Variants in TES observed in about 807,000 individuals in gnomAD.
TES encodes testin LIM domain protein, also known as testin.
A neutral mutation model predicts 48.2 loss-of-function variants in TES; 41 were observed. The ratio of observed to expected loss-of-function variants is 0.85; its 90% CI spans 0.66 to 1.10. TES has a LOEUF of 1.10. TES is among the 50% of genes least tolerant of loss of function. The pLI is 0.00. For synonymous variants in TES, 162 were observed against 174.9 expected (o/e 0.93, Z 0.58); for missense variants, 463 against 515.1 (o/e 0.90, Z 0.98).
At chr7:116,222,100 T>A (rs575105131) in intron 1 of TES, among the ~76,000 whole-genome samples, 1 of 152,102 alleles carries the variant, frequency 6.6e-6, no homozygotes, top group South Asian at 2.1e-4. Flanking sequence ...GAATAAGGGA[T>A]GGTGTGAAAA....
chr7:116,251,637 A>T, intron 4 of TES, 123 bp from the exon 5 acceptor site: 1 of 874,156 alleles, frequency 1.1e-6, no homozygotes, highest in South Asian at 1.6e-5. Flanking sequence ...GAGCCGAGAT[A>T]GCACCACTGG....
intron 1 of TES, among the ~76,000 whole-genome samples, chr7:116,214,833 G>C (rs1321715336): frequency 6.6e-6 from 1 of 151,896 alleles, no homozygotes; most frequent in Non-Finnish European, 1.5e-5. Flanking sequence ...ATCCTTCAAG[G>C]ACCAACCCTT....
At position 116,222,281 on chromosome 7, in the gene TES, C is replaced by T. The variant is rs186022410; in HGVS notation, c.27+11547C>T. Reference sequence around the variant, plus strand: ...CAAAAGAGAAAAACGAGAAGACTGTCTTTTTGCACCCCCTTTTCTGTTTTC... The same window carrying T: ...CAAAAGAGAAAAACGAGAAGACTGTTTTTTTGCACCCCCTTTTCTGTTTTC... On this transcript the variant is annotated intron_variant, in intron 1 of 6. Coordinates refer to ENST00000358204, the MANE Select transcript of TES (RefSeq NM_015641.4). Among the ~76,000 whole-genome samples, 7 of 152,232 alleles carry T rather than the reference C, an allele frequency of 4.6e-5. No homozygotes were observed. In the East Asian group the frequency reaches 1.4e-3, roughly 29 times the overall value.
rs377617882 is a variant in TES at position 116,251,662 on chromosome 7, G to A, written c.703-98G>A. On this transcript the variant is annotated intron_variant, in intron 4 of 6. Transcript: ENST00000358204. Reference sequence around the variant, plus strand: ...AGCACCACTGGACTCCAGCCTGGGCGACAGAGTGAGACTCAGTCTCAAAAA... The same window carrying A: ...AGCACCACTGGACTCCAGCCTGGGCAACAGAGTGAGACTCAGTCTCAAAAA... 48 of 1,129,894 alleles carry A rather than the reference G, an allele frequency of 4.2e-5. No individual in the cohort carries two copies. In the African/African-American group the frequency reaches 5.2e-4, roughly 12 times the overall value. The allele number at this position is 1,129,894 out of a possible 1,614,324, so 70.0% of individuals were successfully genotyped here.
At chr7:116,215,449 T>G (rs1196790098) in intron 1 of TES, among the ~76,000 whole-genome samples, 1 of 152,224 alleles carries the variant, frequency 6.6e-6, no homozygotes, top group Non-Finnish European at 1.5e-5. Flanking sequence ...TTCCCTTTAG[T>G]GTAAGTTGCC....
Position 116,238,697 on chromosome 7 carries a change from G to A in TES, c.113+4078G>A, listed in dbSNP as rs545616110. The stretch of plus-strand genomic sequence containing the variant: ...GCTCACTGCAACCTCTGCCTCCTAG[G>A]TTCAAGTGATTCTCCTGCCTGCCTC... On this transcript the variant is annotated intron_variant, in intron 2 of 6. Transcript: ENST00000358204. 3.3e-3 allele frequency among the ~76,000 whole-genome samples: 498 copies of A among 151,910 alleles called. 3 individuals carry two copies. Among genetic ancestry groups the A allele is most frequent in the African/African-American group, 0.011 (474 of 41,422 alleles).
chr7:116,230,150 GTTTGTT>G (rs1288582528), intron 1 of TES, among the ~76,000 whole-genome samples: 26 of 152,310 alleles, frequency 1.7e-4, no homozygotes, highest in Non-Finnish European at 7.4e-5. Flanking sequence ...TGGTGTGTGT[GTTTGTT>G]TTTAATTAGG....
At position 116,252,315 on chromosome 7, in the gene TES, T is replaced by TA; in HGVS notation, c.919-2dup. ...TCCATCTTTATTTTTATCTTCTTCC[T>TA]AGCTGATATTCAGCAATGAGTATAC... is the stretch of plus-strand genomic sequence containing the variant. On this transcript the variant is annotated splice_region_variant and splice_polypyrimidine_tract_variant and intron_variant, in intron 5 of 6. Coordinates refer to ENST00000358204, the MANE Select transcript of TES (RefSeq NM_015641.4). 1 of 1,599,822 alleles carries TA rather than the reference T, an allele frequency of 6.3e-7. No homozygotes were observed. The highest frequency in any genetic ancestry group is 8.6e-7 in the Non-Finnish European group (1 of 1,168,826).
chr7:116,234,184 A>G (rs1033060832), intron 1 of TES, among the ~76,000 whole-genome samples: 3 of 152,110 alleles, frequency 2.0e-5, no homozygotes, highest in Non-Finnish European at 4.4e-5. Flanking sequence ...TTTTTAAGGT[A>G]TAGTTTTCTG....
intron 2 of TES, among the ~76,000 whole-genome samples, chr7:116,245,410 C>G (rs548008308): frequency 5.3e-5 from 8 of 152,252 alleles, no homozygotes; most frequent in African/African-American, 1.9e-4. Context: ...GCCTTTACAT[C>G]AGCTCCCAAC....
At chr7:116,247,118 T>C (rs1183427342) in intron 2 of TES, among the ~76,000 whole-genome samples, 2 of 151,822 alleles carry the variant, frequency 1.3e-5, no homozygotes, top group Non-Finnish European at 2.9e-5. Context: ...AGAGAGCACA[T>C]GGTAGGTGGC....
At chr7:116,219,065 T>C (rs997538113) in intron 1 of TES, among the ~76,000 whole-genome samples, 2 of 152,076 alleles carry the variant, frequency 1.3e-5, no homozygotes, top group African/African-American at 2.4e-5. Flanking sequence ...CAAACAACTG[T>C]TATGAAGTCT....
At chr7:116,255,263 A>G (rs1354491621) in intron 6 of TES, 1 of 152,196 alleles carries the variant, frequency 6.6e-6, no homozygotes, top group Admixed American at 6.5e-5. Context: ...GAGGGATTGA[A>G]GGAAATAAGA....
chr7:116,251,692 AAAAGAAAG>A (rs201071529), intron 4 of TES, 60 bp from the exon 5 acceptor site: 12 of 1,408,372 alleles, frequency 8.5e-6, no homozygotes, highest in Admixed American at 1.9e-5. Flanking sequence ...CAAAAAAAAA[AAAAGAAAG>A]AAAGAAAAGA....
chr7:116,253,868 G>T (rs1293155768), intron 6 of TES, among the ~76,000 whole-genome samples: 1 of 151,706 alleles, frequency 6.6e-6, no homozygotes, highest in African/African-American at 2.4e-5. Flanking sequence ...GTGTGGGGGT[G>T]TGTGTGTGTG....
intron 1 of TES, among the ~76,000 whole-genome samples, chr7:116,226,180 TA>T (rs1799618599): frequency 6.6e-6 from 1 of 152,120 alleles, no homozygotes; most frequent in South Asian, 2.1e-4. Context: ...TTAAAACAAT[TA>T]AATAAATAAA....
chr7:116,244,875 T>C (rs1799899648), intron 2 of TES, among the ~76,000 whole-genome samples: 1 of 152,182 alleles, frequency 6.6e-6, no homozygotes, highest in African/African-American at 2.4e-5. Context: ...ACCAACACCG[T>C]ATGGAAGCTG....
Position 116,238,123 on chromosome 7 carries a change from G to C in TES, c.113+3504G>C, listed in dbSNP as rs538875067. ...ACCTTGTATACTTACAGAAAGCCAG[G>C]AGATAAATACCCAGACCTCATTCTT... On this transcript the variant is annotated intron_variant, in intron 2 of 6. Transcript: ENST00000358204. The C allele has an allele frequency of 5.9e-5, 9 of 152,208 alleles. No homozygotes were observed. The East Asian group carries it at 1.7e-3, about 29-fold the overall frequency. The allele number at this position is 152,208 out of a possible 1,614,324, so 9.4% of individuals were successfully genotyped here. A position where few individuals can be genotyped will look rare whatever the true frequency, so the allele number is the denominator to read the frequency against.
intron 2 of TES, chr7:116,238,866 G>C (rs1799808591): frequency 6.5e-6 from 1 of 152,894 alleles, no homozygotes; most frequent in Non-Finnish European, 1.5e-5. Flanking sequence ...CTCCCAAAGT[G>C]CTGGGATTAC....
Sources: gnomAD v4.1 joint callset for allele counts (sites outside exome capture counted in the v4.1 genomes callset) on GRCh38, gnomAD v4.1.1 for gene constraint, MANE v1.5 for transcripts, NCBI Gene and HGNC (gene_info 2026-07-23, HGNC 2026-07-21) for gene names.